MATN3: variants seen among roughly 807,000 people sequenced by gnomAD.
MATN3 encodes the protein matrilin-3.
In MATN3, 48 loss-of-function variants were observed where a neutral mutation model predicts 45.3. The observed-to-expected ratio is 1.06, with a 90% CI of 0.84 to 1.35. MATN3 has a LOEUF of 1.35. Among genes scored for constraint, MATN3 ranks in the 40% most tolerant of loss-of-function variants. The probability of loss-of-function intolerance (pLI) is 0.00; values close to 1 mark genes in which losing one functional copy is unlikely to be tolerated. For synonymous variants in MATN3, 217 were observed against 245.9 expected, an observed-to-expected ratio of 0.88 and a Z score of 1.10; for missense variants, 599 against 628.0, an observed-to-expected ratio of 0.95 and a Z score of 0.49.
At position 19,995,905 on chromosome 2, in the gene MATN3, A is replaced by C. The variant is rs1287003851; in HGVS notation, c.1294+1229T>G. Among the ~76,000 whole-genome samples, 4 of 152,196 alleles carry C rather than the reference A, an allele frequency of 2.6e-5. No individual in the cohort carries two copies. The highest frequency in any genetic ancestry group is 9.7e-5 in the African/African-American group (4 of 41,436). On this transcript the variant is annotated intron_variant, in intron 6 of 7. Coordinates refer to ENST00000407540, the MANE Select transcript of MATN3 (RefSeq NM_002381.5). This position sits in a 1 kb window ranked among gnomAD's most constrained non-coding sequence, Gnocchi z 4.2. The stretch of plus-strand genomic sequence containing the variant: ...TATCCACCTGTCTGAATCCTATTGA[A>C]CCTTTTAGGGACAGCCAGTCCAAAT...
intron 1 of MATN3, among the ~76,000 whole-genome samples, chr2:20,009,596 T>C (rs1572387586): frequency 6.6e-6 from 1 of 152,136 alleles, no homozygotes; most frequent in African/African-American, 2.4e-5. Context: ...TGTATCCCTA[T>C]GTAACAAACC....
chr2:19,997,198 G>T lies in MATN3; in HGVS notation c.1230C>A (p.Ala410=), dbSNP rs369897262. Residue 410 remains alanine (A), a synonymous_variant, in exon 6 of 8, where the codon GCC becomes GCA. Transcript: ENST00000407540. ...GATAGCAATCACAGTGGTAGGATGC[G>T]GCCCCATCACTCACACAAATGTGCT... ...GCQHICVSDG[A]ASYHCDCYPG... is the part of the protein sequence containing the mutation. The T allele has an allele frequency of 8.7e-6, 14 of 1,613,650 alleles. No homozygotes were observed. Among genetic ancestry groups the T allele is most frequent in the Non-Finnish European group, 1.2e-5 (14 of 1,179,756 alleles).
chr2:20,005,691 A>C (rs1673085911), intron 2 of MATN3, 53 bp downstream of exon 2: 1 of 1,357,676 alleles, frequency 7.4e-7, no homozygotes, highest in African/African-American at 1.5e-5. Flanking sequence ...CTGGGTACAC[A>C]ATGTCTGAAT....
chr2:19,995,801 A>G lies in MATN3; in HGVS notation c.1294+1333T>C, dbSNP rs1204612037. ...GGACAGGAAATGGTCCTTTGCTGCAACATTTTTACTCTTAACATTTTACAA... is the reference window on the plus strand; with the variant it reads ...GGACAGGAAATGGTCCTTTGCTGCAGCATTTTTACTCTTAACATTTTACAA... On this transcript the variant is annotated intron_variant, in intron 6 of 7. Transcript: ENST00000407540. This position sits in a 1 kb window ranked among gnomAD's most constrained non-coding sequence, Gnocchi z 4.2. Among the ~76,000 whole-genome samples, 1 of 152,184 alleles carries G rather than the reference A, an allele frequency of 6.6e-6. No individual in the cohort carries two copies. The highest frequency in any genetic ancestry group is 1.5e-5 in the Non-Finnish European group (1 of 68,022).
chr2:19,993,217 T>C, intron 7 of MATN3, 51 bp from the exon 8 acceptor site: 1 of 1,309,330 alleles, frequency 7.6e-7, no homozygotes, highest in Non-Finnish European at 1.1e-6. Flanking sequence ...TTAGAAAATA[T>C]AAACACACTT....
chr2:19,998,732 G>A (rs1379086306), intron 5 of MATN3, among the ~76,000 whole-genome samples: 2 of 151,042 alleles, frequency 1.3e-5, no homozygotes, highest in African/African-American at 4.9e-5. Context: ...CTCCAGCCTG[G>A]GTGACAGAAT....
intron 5 of MATN3, among the ~76,000 whole-genome samples, chr2:19,999,547 G>T (rs1446619195): frequency 6.6e-6 from 1 of 150,780 alleles, no homozygotes; most frequent in East Asian, 2.0e-4. Flanking sequence ...AGAAACTTAG[G>T]CTTCTTTGTA....
chr2:20,008,307 G>A (rs925104334), intron 1 of MATN3, among the ~76,000 whole-genome samples: 4 of 152,042 alleles, frequency 2.6e-5, no homozygotes, highest in Non-Finnish European at 2.9e-5. Flanking sequence ...CCCAACACAC[G>A]CATGCAGCCC....
chr2:20,007,246 GC>G (rs1673125371), intron 1 of MATN3, among the ~76,000 whole-genome samples: 1 of 151,408 alleles, frequency 6.6e-6, no homozygotes, highest in South Asian at 2.1e-4. Flanking sequence ...AGAAAGAGGG[GC>G]CCGGGCGCGG....
intron 6 of MATN3, 81 bp downstream of exon 6, chr2:19,997,053 G>A: frequency 6.9e-7 from 1 of 1,449,014 alleles, no homozygotes; most frequent in South Asian, 1.2e-5. Context: ...AATCACAACT[G>A]TGTCTTAGAC....
intron 3 of MATN3, 95 bp downstream of exon 3, chr2:20,003,066 A>AG: frequency 6.9e-7 from 1 of 1,443,148 alleles, no homozygotes; most frequent in Non-Finnish European, 9.5e-7. Flanking sequence ...TTAGGTAAAA[A>AG]GGGGTCAGAG....
At chr2:20,005,275 C>G (rs1021266327) in intron 2 of MATN3, among the ~76,000 whole-genome samples, 3 of 152,206 alleles carry the variant, frequency 2.0e-5, no homozygotes, top group African/African-American at 7.2e-5. Context: ...CCTGCTGACT[C>G]TCCCAAGGAC....
In MATN3 at chr2:20,006,314, C is replaced by G. The variant is rs1401207613; in HGVS notation, c.224-4G>C. ...AAGGGTCTGCTCTTGCAAACACCTG[C>G]AAAAGACCAAGCAATGATCAGACCA... On this transcript the variant is annotated splice_region_variant and splice_polypyrimidine_tract_variant and intron_variant, in intron 1 of 7. Transcript: ENST00000407540. 1.3e-6 allele frequency: 2 copies of G among 1,531,246 alleles called. No individual in the cohort carries two copies. Among genetic ancestry groups the G allele is most frequent in the Non-Finnish European group, 1.8e-6 (2 of 1,140,490 alleles). The allele number at this position is 1,531,246 out of a possible 1,614,324, so 94.9% of individuals were successfully genotyped here.
intron 2 of MATN3, 145 bp from the exon 3 acceptor site, chr2:20,003,431 C>T (rs1673029366): frequency 2.6e-6 from 2 of 758,260 alleles, no homozygotes; most frequent in South Asian, 2.7e-5. Flanking sequence ...TTGTTTTCTG[C>T]CTCTGGCTTA....
In MATN3 at chr2:20,006,218, CA is replaced by C; in HGVS notation, c.315del (p.Phe105LeufsTer5). 6.2e-7 allele frequency: 1 copy of C among 1,613,130 alleles called. No homozygotes were observed. The highest frequency in any genetic ancestry group is 8.5e-7 in the Non-Finnish European group (1 of 1,179,558). Reference protein sequence around the residue: ...RPLEFTKVKTFVSRIIDTLDI... With the variant: ...RPLEFTKVKTXVSRIIDTLDI... ...TCCAGAGTGTCGATTATCCGGGAGA[CA>C]AAAGTTTTCACTTTGGTGAATTCCA... On this transcript the variant is annotated frameshift_variant, in exon 2 of 8. Coordinates refer to ENST00000407540, the MANE Select transcript of MATN3 (RefSeq NM_002381.5). LOFTEE classifies it high-confidence loss of function.
At chr2:20,010,333 C>T (rs2103486160) in intron 1 of MATN3, among the ~76,000 whole-genome samples, 1 of 152,280 alleles carries the variant, frequency 6.6e-6, no homozygotes, top group South Asian at 2.1e-4. Flanking sequence ...TTCTTTCCTT[C>T]TCCACTTGGT....
intron 1 of MATN3, among the ~76,000 whole-genome samples, chr2:20,010,136 G>C (rs1053528886): frequency 4.8e-5 from 7 of 144,518 alleles, no homozygotes; most frequent in Non-Finnish European, 8.9e-5. Context: ...TAGATCTAGA[G>C]CTAGGAAGAA....
rs1316187255 is a variant in MATN3 at position 20,003,184 on chromosome 2, T to C, written c.893A>G (p.Asn298Ser). 4 of 1,613,884 alleles carry C rather than the reference T, an allele frequency of 2.5e-6. No homozygotes were observed. The Admixed American group carries it at 5.0e-5, about 20-fold the overall frequency. Residue 298 changes from asparagine to serine, a missense_variant, in exon 3 of 8, where the codon AAT becomes AGT. By Grantham distance (46) the Asn-to-Ser change is conservative. Coordinates refer to ENST00000407540, the MANE Select transcript of MATN3 (RefSeq NM_002381.5). ...HCECSQGYTLNADKKTCSALD... is the reference protein window; with the variant it reads ...HCECSQGYTLSADKKTCSALD... ...ACCTGAACACGTTTTCTTGTCGGCATTCAAGGTGTATCCTTGGCTACACTC... is the reference window on the plus strand; with the variant it reads ...ACCTGAACACGTTTTCTTGTCGGCACTCAAGGTGTATCCTTGGCTACACTC...
rs1673235434 is a variant in MATN3 at position 20,012,408 on chromosome 2, C to A, written c.223+1G>T. 7 of 1,229,190 alleles carry A rather than the reference C, an allele frequency of 5.7e-6. No individual in the cohort carries two copies. The highest frequency in any genetic ancestry group is 1.0e-6 in the Non-Finnish European group (1 of 986,420). 76.1% of individuals were successfully genotyped at this position (1,229,190 alleles called of 1,614,324 possible). ...GCGTCCCTCCCGCCGCCCGCCTGTA[C>A]CTGCACCGCGGGCGCGGCCAGGCTC... On this transcript the variant is annotated splice_donor_variant, in intron 1 of 7. Coordinates refer to ENST00000407540, the MANE Select transcript of MATN3 (RefSeq NM_002381.5). LOFTEE classifies it high-confidence loss of function. This position sits in a 1 kb window ranked among gnomAD's most constrained non-coding sequence, Gnocchi z 4.3.
Sources: gnomAD v4.1 joint callset for allele counts (sites outside exome capture counted in the v4.1 genomes callset) on GRCh38, gnomAD v4.1.1 for gene constraint, Gnocchi (gnomAD v3.1) non-coding constraint, MANE v1.5 for transcripts, NCBI Gene and HGNC (gene_info 2026-07-23, HGNC 2026-07-21) for gene names.